ZNF518A: variants seen among roughly 807,000 people sequenced by gnomAD.
ZNF518A encodes the protein zinc finger protein 518.
In ZNF518A, 47 loss-of-function variants were observed where a neutral mutation model predicts 102.7. The observed-to-expected ratio is 0.46, with a 90% CI of 0.36 to 0.58. The LOEUF (loss-of-function observed/expected upper bound fraction) is 0.58, where lower values mean the gene tolerates loss of function less well. Ranked by LOEUF, ZNF518A falls within the 20% of genes least tolerant of loss-of-function variation. The pLI, the probability that ZNF518A is intolerant of heterozygous loss-of-function variation, is 0.00. For missense variants in ZNF518A, 1,793 were observed against 1,699.8 expected, an observed-to-expected ratio of 1.05 and a Z score of -0.96; for synonymous variants, 652 against 594.6, an observed-to-expected ratio of 1.10 and a Z score of -1.40.
rs192682980 is a variant in ZNF518A at position 96,188,796 on chromosome 10, C to T, written n.36-14778C>T. Among the ~76,000 whole-genome samples, 438 of 152,186 alleles carry T rather than the reference C, an allele frequency of 2.9e-3. 3 individuals carry two copies. Among genetic ancestry groups the T allele is most frequent in the Admixed American group, 5.8e-3 (89 of 15,286 alleles). On this transcript the variant is annotated intron_variant and non_coding_transcript_variant, in intron 1 of 2. Coordinates refer to the ZNF518A transcript ENST00000442635. ...ATAAATTTTATTAGGTTTCTATGGC[C>T]GCCATAATAAACTGGGTGGCTTAAA...
At chr10:96,186,974 G>A (rs1163192006) in intron 1 of ZNF518A, among the ~76,000 whole-genome samples, 3 of 152,152 alleles carry the variant, frequency 2.0e-5, no homozygotes, top group Non-Finnish European at 4.4e-5. Context: ...TTTGTCCATG[G>A]ATAGGCCACA....
chr10:96,148,537 G>A (rs2082276788), intron 3 of ZNF518A, among the ~76,000 whole-genome samples: 1 of 78 alleles, frequency 0.013, no homozygotes, highest in Non-Finnish European at 0.028. Flanking sequence ...ATATTAGAGG[G>A]TTTTCTCAGA....
downstream of ZNF518A, among the ~76,000 whole-genome samples, chr10:96,167,510 G>A (rs1445208131): frequency 1.3e-5 from 2 of 152,108 alleles, no homozygotes; most frequent in African/African-American, 2.4e-5. Context: ...ATTAAGGAAA[G>A]TATTCTAATG....
At chr10:96,164,327 C>T (rs914120568), downstream of ZNF518A, among the ~76,000 whole-genome samples, 1 of 152,222 alleles carries the variant, frequency 6.6e-6, no homozygotes, top group African/African-American at 2.4e-5. Flanking sequence ...TGGCTCTGTT[C>T]TTTGCCTTAG....
chr10:96,204,569 C>T (rs782467007), downstream of ZNF518A: 2 of 1,614,120 alleles, frequency 1.2e-6, no homozygotes, highest in Non-Finnish European at 1.7e-6. Context: ...TGCACAGCTT[C>T]TTGTCTGTGA....
At chr10:96,204,762 G>A, downstream of ZNF518A, 1 of 716,012 alleles carries the variant, frequency 1.4e-6, no homozygotes, top group East Asian at 2.9e-5. Flanking sequence ...ATGGATCTGT[G>A]CACTTGCCAG....
intron 1 of ZNF518A, among the ~76,000 whole-genome samples, chr10:96,194,497 A>G (rs1271386105): frequency 2.0e-5 from 3 of 152,212 alleles, no homozygotes; most frequent in Non-Finnish European, 2.9e-5. Context: ...AAAATAGAGA[A>G]GACAATATCA....
intron 3 of ZNF518A, among the ~76,000 whole-genome samples, chr10:96,144,776 A>G (rs3300): frequency 0.031 from 4,684 of 152,192 alleles, 242 homozygotes; most frequent in East Asian, 0.17. Context: ...CATTTTACAA[A>G]TCCTCTGTAA....
intron 1 of ZNF518A, among the ~76,000 whole-genome samples, chr10:96,188,085 A>G (rs1260369774): frequency 6.6e-6 from 1 of 152,206 alleles, no homozygotes; most frequent in Non-Finnish European, 1.5e-5. Context: ...CCTGGCCTCA[A>G]GTGATCCACC....
chr10:96,144,104 G>A (rs1554877571), intron 3 of ZNF518A, among the ~76,000 whole-genome samples: 1 of 151,966 alleles, frequency 6.6e-6, no homozygotes, highest in Non-Finnish European at 1.5e-5. Flanking sequence ...TTCCATCTCA[G>A]CCTCCCGAGT....
At chr10:96,168,200 C>T (rs1321575223), downstream of ZNF518A, among the ~76,000 whole-genome samples, 4 of 152,190 alleles carry the variant, frequency 2.6e-5, no homozygotes, top group Non-Finnish European at 5.9e-5. Flanking sequence ...CTGTTGGAGT[C>T]ATGAGTGAGA....
intron 3 of ZNF518A, among the ~76,000 whole-genome samples, chr10:96,143,905 T>C (rs2082053679): frequency 1.3e-5 from 2 of 152,242 alleles, no homozygotes; most frequent in African/African-American, 4.8e-5. Context: ...CACATATGCT[T>C]ATAAGATCTT....
At chr10:96,137,017 G>C (rs2081628829) in intron 3 of ZNF518A, among the ~76,000 whole-genome samples, 1 of 152,242 alleles carries the variant, frequency 6.6e-6, no homozygotes, top group African/African-American at 2.4e-5. Context: ...CTGTATTCCA[G>C]TGAAACTTAA....
At chr10:96,142,308 GTGTGTGT>G (rs781905892) in intron 3 of ZNF518A, among the ~76,000 whole-genome samples, 27,879 of 94,210 alleles carry the variant, frequency 0.3, 2,869 homozygotes, top group Non-Finnish European at 0.32. Context: ...TTCTTAGGGT[GTGTGTGT>G]GTGTGTGTGT....
chr10:96,171,530 T>A (rs1341891885), intron 1 of ZNF518A, among the ~76,000 whole-genome samples: 1 of 152,080 alleles, frequency 6.6e-6, no homozygotes, highest in Non-Finnish European at 1.5e-5. Flanking sequence ...TAAAGGTGTT[T>A]AAAGGAAATA....
chr10:96,192,848 C>A (rs2083363524), intron 1 of ZNF518A, among the ~76,000 whole-genome samples: 3 of 152,154 alleles, frequency 2.0e-5, no homozygotes, highest in Admixed American at 1.3e-4. Context: ...TACAAGTTCA[C>A]ACTCATTAAA....
intron 1 of ZNF518A, among the ~76,000 whole-genome samples, chr10:96,186,409 T>C (rs1315050080): frequency 3.4e-5 from 5 of 148,618 alleles, no homozygotes; most frequent in Admixed American, 3.4e-4. Context: ...AGTAGGTTGC[T>C]TTTTTTTTTG....
At chr10:96,141,440 T>C (rs2081921650) in intron 3 of ZNF518A, among the ~76,000 whole-genome samples, 1 of 152,174 alleles carries the variant, frequency 6.6e-6, no homozygotes. Context: ...CCGAAAACTA[T>C]ATGAACAGAA....
At chr10:96,190,575 A>T (rs1250405274) in intron 1 of ZNF518A, among the ~76,000 whole-genome samples, 1 of 152,224 alleles carries the variant, frequency 6.6e-6, no homozygotes, top group Non-Finnish European at 1.5e-5. Flanking sequence ...AAAGTTTATG[A>T]CATTTAAATA....
Sources: gnomAD v4.1 joint callset for allele counts (sites outside exome capture counted in the v4.1 genomes callset) on GRCh38, gnomAD v4.1.1 for gene constraint, MANE v1.5 for transcripts, NCBI Gene and HGNC (gene_info 2026-07-23, HGNC 2026-07-21) for gene names.